The following EXOC2 variants were observed in gnomAD, a reference collection of about 807,000 sequenced individuals.
The protein encoded by EXOC2 is exocyst complex component 2.
EXOC2 carries 70 observed loss-of-function variants against 131.8 expected under a neutral mutation model. The ratio of observed to expected loss-of-function variants is 0.53; its 90% confidence interval spans 0.44 to 0.65. The LOEUF (loss-of-function observed/expected upper bound fraction) is 0.65, where lower values mean the gene tolerates loss of function less well. Among genes scored for constraint, EXOC2 ranks in the 30% least tolerant of loss-of-function variants. The pLI is 0.00. For synonymous variants in EXOC2, 411 were observed against 398.4 expected (o/e 1.03, Z -0.38); for missense variants, 923 against 1,108.6 (o/e 0.83, Z 2.38).
chr6:689,993 A>G (rs897362921), intron 1 of EXOC2, among the ~76,000 whole-genome samples: 2 of 152,224 alleles, frequency 1.3e-5, no homozygotes, highest in Non-Finnish European at 2.9e-5. Context: ...AGCAGACCAG[A>G]TTAGACCAAG....
At chr6:531,440 A>G (rs151327989) in intron 23 of EXOC2, among the ~76,000 whole-genome samples, 53 of 152,412 alleles carry the variant, frequency 3.5e-4, no homozygotes, top group African/African-American at 1.2e-3. Flanking sequence ...CATGAGGAAT[A>G]AGGGCTGGCA....
At chr6:521,074 ACCCAC>A (rs1765429599) in intron 23 of EXOC2, among the ~76,000 whole-genome samples, 3 of 8,682 alleles carry the variant, frequency 3.5e-4, no homozygotes, top group East Asian at 3.5e-3. Flanking sequence ...GAAAACCACC[ACCCAC>A]CGAGCGCCGA....
chr6:634,200 G>C (rs1761990987), intron 2 of EXOC2, among the ~76,000 whole-genome samples: 1 of 152,008 alleles, frequency 6.6e-6, no homozygotes, highest in South Asian at 2.1e-4. Flanking sequence ...CAAGCAGCTG[G>C]GACTACCGGT....
chr6:568,505 G>C (rs1247927704), intron 13 of EXOC2, among the ~76,000 whole-genome samples: 1 of 152,180 alleles, frequency 6.6e-6, no homozygotes, highest in East Asian at 1.9e-4. Context: ...AATGACATGT[G>C]CCAACCCCTT....
chr6:547,052 T>C (rs1235920901), intron 22 of EXOC2, among the ~76,000 whole-genome samples: 1 of 152,244 alleles, frequency 6.6e-6, no homozygotes, highest in Non-Finnish European at 1.5e-5. Context: ...GGTCAAGTCC[T>C]TGACCTCTCT....
intron 1 of EXOC2, among the ~76,000 whole-genome samples, chr6:677,822 TCTC>T (rs745423075): frequency 6.6e-6 from 1 of 152,038 alleles, no homozygotes; most frequent in Non-Finnish European, 1.5e-5. Flanking sequence ...TCCTCAGAAC[TCTC>T]CTATGAGGAT....
At chr6:679,819 T>C (rs1764319024) in intron 1 of EXOC2, among the ~76,000 whole-genome samples, 1 of 152,022 alleles carries the variant, frequency 6.6e-6, no homozygotes, top group East Asian at 1.9e-4. Context: ...TAGAAAGACA[T>C]ACGAATAAAT....
In EXOC2 at chr6:651,828, C is replaced by T. The variant is rs1353541392; in HGVS notation, c.-43-13967G>A. ...ACCCCAGCACTTTGGGAGGCCGAGG[C>T]GGGCAGATCATAAGGTCAGGAATTC... On this transcript the variant is annotated intron_variant, in intron 1 of 27. Coordinates refer to ENST00000230449, the MANE Select transcript of EXOC2 (RefSeq NM_018303.6). Among the ~76,000 whole-genome samples the T allele has an allele frequency of 3.3e-5, 5 of 151,796 alleles. No individual in the cohort carries two copies. The South Asian group carries it at 1.0e-3, about 32-fold the overall frequency.
At chr6:521,746 T>C (rs1203474082) in intron 23 of EXOC2, among the ~76,000 whole-genome samples, 3 of 152,116 alleles carry the variant, frequency 2.0e-5, no homozygotes, top group African/African-American at 7.2e-5. Context: ...CAGGTTGGTC[T>C]CTAACTCCTG....
At chr6:554,613 C>A (rs1467877024) in intron 20 of EXOC2, among the ~76,000 whole-genome samples, 1 of 151,962 alleles carries the variant, frequency 6.6e-6, no homozygotes, top group East Asian at 1.9e-4. Flanking sequence ...TGGATAAATT[C>A]CCAAGTTGTC....
In EXOC2 at chr6:564,507, A is replaced by G. The variant is rs367600941; in HGVS notation, c.1667+38T>C. The G allele has an allele frequency of 4.3e-5, 69 of 1,607,412 alleles. No homozygotes were observed. The African/African-American group carries it at 8.3e-4, about 19-fold the overall frequency. On this transcript the variant is annotated intron_variant, in intron 15 of 27. Transcript: ENST00000230449. ...TTCTTTCCAAAAAGTTAAAAAAAACAGAAGTACGCCTTTCTCTGAGAATGT... is the reference window on the plus strand; with the variant it reads ...TTCTTTCCAAAAAGTTAAAAAAAACGGAAGTACGCCTTTCTCTGAGAATGT...
At chr6:524,576 T>C (rs1189166742) in intron 23 of EXOC2, among the ~76,000 whole-genome samples, 1 of 152,184 alleles carries the variant, frequency 6.6e-6, no homozygotes, top group Non-Finnish European at 1.5e-5. Flanking sequence ...GATTTGGGGT[T>C]ATGCAGGTTT....
At chr6:617,360 T>A (rs970845549) in intron 6 of EXOC2, among the ~76,000 whole-genome samples, 7 of 152,216 alleles carry the variant, frequency 4.6e-5, no homozygotes, top group Non-Finnish European at 7.3e-5. Context: ...CTTTCCAAAG[T>A]GAACACACAA....
chr6:664,762 G>A (rs1327374162), intron 1 of EXOC2, among the ~76,000 whole-genome samples: 8 of 152,062 alleles, frequency 5.3e-5, no homozygotes, highest in African/African-American at 1.7e-4. Context: ...CTGGATCCTC[G>A]TCTCTCACCT....
chr6:630,760 A>C (rs896216982), intron 3 of EXOC2, among the ~76,000 whole-genome samples: 3 of 152,230 alleles, frequency 2.0e-5, no homozygotes, highest in Non-Finnish European at 4.4e-5. Flanking sequence ...TAGATGGTAG[A>C]AACAGCAGGG....
chr6:513,014 AC>A (rs1198205804), intron 23 of EXOC2, among the ~76,000 whole-genome samples: 1 of 152,232 alleles, frequency 6.6e-6, no homozygotes, highest in Non-Finnish European at 1.5e-5. Flanking sequence ...TCAACAATGG[AC>A]GCTTAAACCC....
At chr6:559,049 T>C (rs1186361689) in intron 17 of EXOC2, among the ~76,000 whole-genome samples, 1 of 152,166 alleles carries the variant, frequency 6.6e-6, no homozygotes, top group Non-Finnish European at 1.5e-5. Flanking sequence ...AATAGTTCTG[T>C]CTCTGTGTAT....
At position 601,243 on chromosome 6, in the gene EXOC2, TACGA is replaced by T. The variant is rs1561911260; in HGVS notation, c.743-2022_743-2019del. Among the ~76,000 whole-genome samples, 94 of 141,538 alleles carry T rather than the reference TACGA, an allele frequency of 6.6e-4. 2 individuals carry two copies. The highest frequency in any genetic ancestry group is 1.9e-3 in the African/African-American group (73 of 37,878). 92.9% of individuals were successfully genotyped at this position (141,538 alleles called of 152,430 possible). On this transcript the variant is annotated intron_variant, in intron 7 of 27. Coordinates refer to ENST00000230449, the MANE Select transcript of EXOC2 (RefSeq NM_018303.6). ...ATTCTCACACCAAGAACACCCCGTG[TACGA>T]ATCCACACACATTCTCACACCAAGA...
At position 658,645 on chromosome 6, in the gene EXOC2, T is replaced by TTATATATATATATATATATATATATTTTA. The variant is rs373868934; in HGVS notation, c.-43-20785_-43-20784insTAAAATATATATATATATATATATATATA. Among the ~76,000 whole-genome samples, 83 of 118,302 alleles carry TTATATATATATATATATATATATATTTTA rather than the reference T, an allele frequency of 7.0e-4. 1 individual carries two copies. Among genetic ancestry groups the TTATATATATATATATATATATATATTTTA allele is most frequent in the African/African-American group, 2.5e-3 (80 of 32,104 alleles). 77.6% of individuals were successfully genotyped at this position (118,302 alleles called of 152,430 possible). On this transcript the variant is annotated intron_variant, in intron 1 of 27. Coordinates refer to ENST00000230449, the MANE Select transcript of EXOC2 (RefSeq NM_018303.6). ...GATATTTAAAATATATATATATATT[T>TTATATATATATATATATATATATATTTTA]TATATATATATATATATATATTTTT...
Sources: allele counts gnomAD v4.1 joint callset (sites outside exome capture counted in the v4.1 genomes callset), GRCh38; gene constraint gnomAD v4.1.1; transcripts MANE v1.5; gene names NCBI Gene and HGNC (gene_info 2026-07-23, HGNC 2026-07-21).